Variants in LSAMP observed in about 807,000 individuals in gnomAD.
LSAMP encodes the protein limbic system-associated membrane protein.
Under a neutral mutation model 38.6 loss-of-function variants are expected in LSAMP, and 7 were observed. The ratio of observed to expected loss-of-function variants is 0.18; its 90% CI spans 0.10 to 0.34. LSAMP has a LOEUF of 0.34. LSAMP is among the 10% of genes least tolerant of loss of function. The pLI is 1.00. For synonymous variants in LSAMP, 154 were observed against 166.8 expected, an observed-to-expected ratio of 0.92 and a Z score of 0.59; for missense variants, 313 against 420.0, an observed-to-expected ratio of 0.75 and a Z score of 2.23.
chr3:116,009,656 C>T (rs561322771), intron 3 of LSAMP, among the ~76,000 whole-genome samples: 1 of 152,246 alleles, frequency 6.6e-6, no homozygotes, highest in African/African-American at 2.4e-5. Context: ...CTACAGGTGG[C>T]CACCACCAGA....
At chr3:115,939,934 G>A (rs2107556730) in intron 3 of LSAMP, among the ~76,000 whole-genome samples, 1 of 152,236 alleles carries the variant, frequency 6.6e-6, no homozygotes, top group South Asian at 2.1e-4. Flanking sequence ...TGAAGCCACG[G>A]ACCCTCACGG....
chr3:115,813,353 T>C (rs528299265), intron 6 of LSAMP, among the ~76,000 whole-genome samples: 1 of 152,152 alleles, frequency 6.6e-6, no homozygotes, highest in African/African-American at 2.4e-5. Flanking sequence ...CTTACAGGTT[T>C]TTAGCCTGGG....
chr3:116,366,512 G>T (rs1306829720), intron 1 of LSAMP, among the ~76,000 whole-genome samples: 6 of 151,916 alleles, frequency 3.9e-5, no homozygotes. Flanking sequence ...TGCCACTCAG[G>T]GTCACTCAGT....
intron 1 of LSAMP, among the ~76,000 whole-genome samples, chr3:116,136,714 T>C (rs1319649450): frequency 6.6e-6 from 1 of 152,116 alleles, no homozygotes; most frequent in African/African-American, 2.4e-5. Context: ...CATGTGTGCA[T>C]GTGTCTTGCC....
intron 1 of LSAMP, among the ~76,000 whole-genome samples, chr3:116,429,069 T>C (rs1472282800): frequency 6.6e-6 from 1 of 152,230 alleles, no homozygotes; most frequent in Non-Finnish European, 1.5e-5. Context: ...CAAAATGCTA[T>C]ATTATATATT....
At chr3:116,412,064 T>C (rs2048988033) in intron 1 of LSAMP, among the ~76,000 whole-genome samples, 2 of 152,056 alleles carry the variant, frequency 1.3e-5, no homozygotes, top group South Asian at 4.1e-4. Context: ...TAAATACCTG[T>C]GGTAGTCCAT....
rs35025508 is a variant in LSAMP, at chr3:116,209,996, C to A, written c.156-123440G>T. Among the ~76,000 whole-genome samples the A allele has an allele frequency of 3.2e-3, 483 of 152,158 alleles. 3 individuals carry two copies. Among genetic ancestry groups the A allele is most frequent in the South Asian group, 0.013 (63 of 4,820 alleles). ...GTCTCCATCTCTTGACTTCGTGATC[C>A]GCCCACCTCGGCCTCGCAAAGTCCT... On this transcript the variant is annotated intron_variant, in intron 1 of 6. Transcript: ENST00000490035.
At chr3:116,265,097 T>C (rs1461413516) in intron 1 of LSAMP, among the ~76,000 whole-genome samples, 1 of 151,970 alleles carries the variant, frequency 6.6e-6, no homozygotes, top group Non-Finnish European at 1.5e-5. Context: ...ACAAAATACA[T>C]TCCAATTACC....
chr3:115,914,626 C>T (rs1576213902), intron 3 of LSAMP, among the ~76,000 whole-genome samples: 2 of 152,174 alleles, frequency 1.3e-5, no homozygotes, highest in Admixed American at 1.3e-4. Flanking sequence ...AGAGAGGCTT[C>T]CTCTTTCCTC....
intron 1 of LSAMP, among the ~76,000 whole-genome samples, chr3:116,353,389 T>C (rs1330707062): frequency 6.6e-5 from 10 of 152,086 alleles, no homozygotes; most frequent in African/African-American, 2.2e-4. Context: ...TTGATAATAT[T>C]TAATTTAGAA....
At chr3:116,124,782 A>G (rs982934856) in intron 1 of LSAMP, among the ~76,000 whole-genome samples, 1 of 152,222 alleles carries the variant, frequency 6.6e-6, no homozygotes, top group African/African-American at 2.4e-5. Flanking sequence ...GGACATGGTC[A>G]TACACACTCA....
chr3:116,257,343 C>T (rs988627262), intron 1 of LSAMP, among the ~76,000 whole-genome samples: 1 of 152,090 alleles, frequency 6.6e-6, no homozygotes, highest in East Asian at 1.9e-4. Context: ...GCAAAATGTT[C>T]TTTTTCTATT....
chr3:116,419,960 C>T (rs949630712), intron 1 of LSAMP, among the ~76,000 whole-genome samples: 2 of 152,234 alleles, frequency 1.3e-5, no homozygotes, highest in Non-Finnish European at 2.9e-5. Context: ...GTTCCTATAA[C>T]ATCTAAGTGA....
intron 1 of LSAMP, among the ~76,000 whole-genome samples, chr3:116,329,132 T>C (rs188213861): frequency 6.6e-6 from 1 of 152,168 alleles, no homozygotes; most frequent in African/African-American, 2.4e-5. Flanking sequence ...ATTTAATAGA[T>C]AAATAATAAA....
At chr3:116,159,288 C>T (rs568914945) in intron 1 of LSAMP, among the ~76,000 whole-genome samples, 14 of 152,054 alleles carry the variant, frequency 9.2e-5, no homozygotes, top group South Asian at 2.1e-4. Context: ...TTCTGTGAAA[C>T]GTAAGAAACT....
At chr3:116,241,429 G>C (rs1292218414) in intron 1 of LSAMP, among the ~76,000 whole-genome samples, 1 of 151,942 alleles carries the variant, frequency 6.6e-6, no homozygotes, top group East Asian at 1.9e-4. Flanking sequence ...TAGCTGGGCT[G>C]GTGACACACG....
At chr3:116,339,818 C>T (rs1169150572) in intron 1 of LSAMP, among the ~76,000 whole-genome samples, 1 of 152,056 alleles carries the variant, frequency 6.6e-6, no homozygotes, top group Non-Finnish European at 1.5e-5. Context: ...GCATTAACTG[C>T]CACATATCTA....
At chr3:116,022,760 A>G (rs1940675009) in intron 2 of LSAMP, among the ~76,000 whole-genome samples, 1 of 152,194 alleles carries the variant, frequency 6.6e-6, no homozygotes, top group Admixed American at 6.5e-5. Context: ...CTAGCTTCAG[A>G]AGCTAAAGCA....
chr3:116,265,252 G>C (rs1291027655), intron 1 of LSAMP, among the ~76,000 whole-genome samples: 1 of 152,030 alleles, frequency 6.6e-6, no homozygotes, highest in East Asian at 1.9e-4. Flanking sequence ...GGGTCACTTA[G>C]AGAGAGGCTA....
Sources: gnomAD v4.1 joint callset for allele counts (sites outside exome capture counted in the v4.1 genomes callset) on GRCh38, gnomAD v4.1.1 for gene constraint, MANE v1.5 for transcripts, NCBI Gene and HGNC (gene_info 2026-07-23, HGNC 2026-07-21) for gene names.